GTPBP1: variants seen among roughly 807,000 people sequenced by gnomAD.
GTPBP1 encodes GTP-binding protein 1.
A neutral mutation model predicts 62.0 loss-of-function variants in GTPBP1; 23 were observed. The ratio of observed to expected loss-of-function variants is 0.37; its 90% CI spans 0.27 to 0.53. The LOEUF (loss-of-function observed/expected upper bound fraction) is 0.53. Among genes scored for constraint, GTPBP1 ranks in the 20% least tolerant of loss-of-function variants. GTPBP1 has a pLI of 0.89. For synonymous variants in GTPBP1, 344 were observed against 364.4 expected, an observed-to-expected ratio of 0.94 and a Z score of 0.64; for missense variants, 640 against 917.3, an observed-to-expected ratio of 0.70 and a Z score of 3.90.
intron 2 of GTPBP1, among the ~76,000 whole-genome samples, chr22:38,714,214 G>A (rs1028558269): frequency 2.0e-5 from 3 of 152,008 alleles, no homozygotes; most frequent in Admixed American, 6.5e-5. Context: ...GATGGCTGAC[G>A]CCTGTAATCC....
chr22:38,724,441 A>G, intron 6 of GTPBP1, 30 bp downstream of exon 6: 1 of 1,317,816 alleles, frequency 7.6e-7, no homozygotes, highest in Non-Finnish European at 1.1e-6. Context: ...CACTTCAGAC[A>G]GGCACCCTTG....
chr22:38,706,582 C>T, intron 1 of GTPBP1: 1 of 165,874 alleles, frequency 6.0e-6, no homozygotes, highest in Non-Finnish European at 1.3e-5. Flanking sequence ...GCGAGGGGGC[C>T]CGGGCAGGGG....
At chr22:38,710,761 A>G (rs2092633962) in intron 2 of GTPBP1, among the ~76,000 whole-genome samples, 2 of 152,204 alleles carry the variant, frequency 1.3e-5, no homozygotes, top group Non-Finnish European at 2.9e-5. Context: ...GGAACCACAT[A>G]TAGGTCAATT....
At chr22:38,714,221 A>G (rs2092656080) in intron 2 of GTPBP1, among the ~76,000 whole-genome samples, 1 of 152,196 alleles carries the variant, frequency 6.6e-6, no homozygotes, top group East Asian at 1.9e-4. Context: ...GACGCCTGTA[A>G]TCCCAGCACT....
At chr22:38,739,074 G>T, downstream of GTPBP1, 1 of 1,323,762 alleles carries the variant, frequency 7.6e-7, no homozygotes, top group Non-Finnish European at 1.1e-6. The surrounding 1 kb of genome is among the most constrained non-coding windows in gnomAD (Gnocchi z 6.7). Context: ...GCTGAAGGTG[G>T]ACGGCAGATG....
At chr22:38,734,742 G>A (rs1015801788), downstream of GTPBP1, 2 of 171,776 alleles carry the variant, frequency 1.2e-5, no homozygotes, top group Non-Finnish European at 2.6e-5. Context: ...GCTCTTGGGC[G>A]TCATTTATTT....
At chr22:38,741,799 G>C, downstream of GTPBP1, among the ~76,000 whole-genome samples, 3 of 152,300 alleles carry the variant, frequency 2.0e-5, no homozygotes, top group East Asian at 3.9e-4. Flanking sequence ...CTATGGGGGT[G>C]GGGGAGACAC....
chr22:38,741,644 G>A (rs1211353542), downstream of GTPBP1: 32 of 1,418,514 alleles, frequency 2.3e-5, no homozygotes, highest in Admixed American at 3.4e-5. Context: ...AGGAAGTGGC[G>A]GAACTGGAAT....
intron 2 of GTPBP1, among the ~76,000 whole-genome samples, chr22:38,714,854 A>C (rs2092660869): frequency 6.6e-6 from 1 of 152,116 alleles, no homozygotes; most frequent in South Asian, 2.1e-4. Flanking sequence ...GTGATTGTGG[A>C]AATTAAATCC....
rs772938239 is a variant in GTPBP1, at chr22:38,721,736, G to T, written c.835-6G>T. ...GTCCTGACACTTCCTTTCTGTGTTG[G>T]GGCAGGTGGGCAGCAATGCTGGCAT... is the stretch of plus-strand genomic sequence containing the variant. On this transcript the variant is annotated splice_polypyrimidine_tract_variant and splice_region_variant and intron_variant, in intron 4 of 11. Transcript: ENST00000216044. 2 of 1,609,786 alleles carry T rather than the reference G, an allele frequency of 1.2e-6. No homozygotes were observed. The highest frequency in any genetic ancestry group is 1.7e-6 in the Non-Finnish European group (2 of 1,176,796).
intron 5 of GTPBP1, 40 bp downstream of exon 5, chr22:38,721,905 G>A (rs970593891): frequency 1.3e-6 from 2 of 1,517,990 alleles, no homozygotes; most frequent in Non-Finnish European, 1.8e-6. Context: ...CCTCTGATTG[G>A]GGCTGTCACC....
At chr22:38,725,955 G>T (rs1020928535) in intron 6 of GTPBP1, 51 bp from the exon 7 acceptor site, 2 of 1,581,660 alleles carry the variant, frequency 1.3e-6, no homozygotes, top group African/African-American at 1.3e-5. Context: ...GCAGGACCTG[G>T]TCTCCTGAGT....
chr22:38,741,004 T>G (rs1244475870), downstream of GTPBP1: 4 of 1,592,568 alleles, frequency 2.5e-6, no homozygotes, highest in Non-Finnish European at 3.4e-6. Context: ...TGGCGCCCAG[T>G]ACCTTTGCCA....
At chr22:38,739,546 C>G (rs78853873), downstream of GTPBP1, 4,247 of 1,350,130 alleles carry the variant, frequency 3.1e-3, 118 homozygotes, top group African/African-American at 0.056. This position sits in a 1 kb window ranked among gnomAD's most constrained non-coding sequence, Gnocchi z 6.7. Flanking sequence ...TGTGCTGGTG[C>G]CCAGGCAGAT....
intron 2 of GTPBP1, among the ~76,000 whole-genome samples, chr22:38,712,397 G>T (rs2092645123): frequency 6.6e-6 from 1 of 152,134 alleles, no homozygotes; most frequent in African/African-American, 2.4e-5. Flanking sequence ...GGTCCTGAGT[G>T]GTAGGAGGAG....
rs1255255411 is a variant in GTPBP1 at position 38,728,157 on chromosome 22, C to A, written c.1712C>A (p.Thr571Asn). 1 of 1,611,846 alleles carries A rather than the reference C, an allele frequency of 6.2e-7. No individual in the cohort carries two copies. Among genetic ancestry groups the A allele is most frequent in the Admixed American group, 1.7e-5 (1 of 60,014 alleles). ...CGCACCAAGGCTGTCGGCACCATCACCAAGGTATGGCCAGGACAGACCTTG... is the reference window on the plus strand; with the variant it reads ...CGCACCAAGGCTGTCGGCACCATCAACAAGGTATGGCCAGGACAGACCTTG... Reference protein sequence around the residue: ...EGRTKAVGTITKLLQTTNNSP... With the variant: ...EGRTKAVGTINKLLQTTNNSP... Residue 571 changes from threonine (T) to asparagine (N), a missense_variant, in exon 10 of 12, where the codon ACC (threonine) becomes AAC (asparagine). Physicochemically the swap from Thr to Asn is moderately conservative, Grantham distance 65. Coordinates refer to ENST00000216044, the MANE Select transcript of GTPBP1 (RefSeq NM_004286.5).
rs1156885011 is a variant in GTPBP1, at chr22:38,716,712, T to C, written c.546T>C (p.His182=). The C allele has an allele frequency of 2.5e-6, 4 of 1,613,892 alleles. No homozygotes were observed. In the East Asian group the frequency reaches 6.7e-5, roughly 27 times the overall value. The change falls in exon 4 of 12, where the codon CAT becomes CAC. Residue 182 remains histidine (H), a synonymous_variant. Coordinates refer to ENST00000216044, the MANE Select transcript of GTPBP1 (RefSeq NM_004286.5). The surrounding 1 kb of genome is among the most constrained non-coding windows in gnomAD (Gnocchi z 5.2). ...GCACGCTTCTGGGGGTCCTGACACA[T>C]GGGGAGCTGGACAATGGCCGAGGCT... The part of the protein sequence containing the change: ...GKSTLLGVLT[H]GELDNGRGFA...
At position 38,705,969 on chromosome 22, in the gene GTPBP1, G is replaced by T; in HGVS notation, c.14G>T (p.Arg5Leu). The T allele has an allele frequency of 1.4e-6, 2 of 1,445,104 alleles. No homozygotes were observed. Among genetic ancestry groups the T allele is most frequent in the Non-Finnish European group, 1.8e-6 (2 of 1,096,088 alleles). 89.5% of individuals were successfully genotyped at this position (1,445,104 alleles called of 1,614,324 possible). The change falls in exon 1 of 12, where the codon CGC (arginine) becomes CTC (leucine). Residue 5 changes from arginine to leucine, a missense_variant. Coordinates refer to ENST00000216044, the MANE Select transcript of GTPBP1 (RefSeq NM_004286.5). MATE[R>L]SRSAMDSPVP... ...AAGTTATTAAAGATGGCGACGGAGC[G>T]CAGTCGCTCCGCGATGGACTCGCCG...
At chr22:38,737,877 G>A (rs898913832), downstream of GTPBP1, 16 of 606,598 alleles carry the variant, frequency 2.6e-5, no homozygotes, top group Non-Finnish European at 4.1e-5. This position sits in a 1 kb window ranked among gnomAD's most constrained non-coding sequence, Gnocchi z 4.1. Flanking sequence ...CTCCTCGAAC[G>A]CCTCTCCCGG....
Sources: gnomAD v4.1 joint callset for allele counts (sites outside exome capture counted in the v4.1 genomes callset) on GRCh38, gnomAD v4.1.1 for gene constraint, Gnocchi (gnomAD v3.1) non-coding constraint, MANE v1.5 for transcripts, NCBI Gene and HGNC (gene_info 2026-07-23, HGNC 2026-07-21) for gene names.